The following NPAS3 variants were observed in gnomAD, a reference collection of about 807,000 sequenced individuals.
NPAS3 encodes neuronal PAS domain protein 3.
A neutral mutation model predicts 73.1 loss-of-function variants in NPAS3; 14 were observed. The observed-to-expected ratio is 0.19, with a 90% CI of 0.13 to 0.30. The LOEUF is 0.30. Among genes scored for constraint, NPAS3 ranks in the 10% least tolerant of loss-of-function variants. The pLI, the probability that NPAS3 is intolerant of heterozygous loss-of-function variation, is 1.00. For missense variants in NPAS3, 1,096 were observed against 1,250.0 expected, an observed-to-expected ratio of 0.88 and a Z score of 1.86; for synonymous variants, 620 against 541.5, an observed-to-expected ratio of 1.14 and a Z score of -2.01.
intron 1 of NPAS3, among the ~76,000 whole-genome samples, chr14:33,033,505 G>A (rs538516943): frequency 6.6e-6 from 1 of 152,100 alleles, no homozygotes; most frequent in South Asian, 2.1e-4. Context: ...TTATATGCCT[G>A]TTTGTACATG....
At chr14:33,148,392 A>G (rs2044323330) in intron 2 of NPAS3, among the ~76,000 whole-genome samples, 1 of 152,148 alleles carries the variant, frequency 6.6e-6, no homozygotes, top group African/African-American at 2.4e-5. Context: ...TGTATCAGTA[A>G]TACCTTAGAG....
intron 1 of NPAS3, among the ~76,000 whole-genome samples, chr14:33,003,529 T>C (rs1258965206): frequency 1.3e-5 from 2 of 152,224 alleles, no homozygotes; most frequent in Non-Finnish European, 2.9e-5. Flanking sequence ...TTAAGATTTT[T>C]TTCTGTGTCC....
At chr14:33,695,387 T>C (rs963488807) in intron 6 of NPAS3, among the ~76,000 whole-genome samples, 51 of 152,290 alleles carry the variant, frequency 3.3e-4, no homozygotes, top group African/African-American at 1.1e-3. Flanking sequence ...GTGAAAATAA[T>C]ACACTGTCTA....
At chr14:33,587,862 G>T (rs2056920168) in intron 5 of NPAS3, among the ~76,000 whole-genome samples, 1 of 152,160 alleles carries the variant, frequency 6.6e-6, no homozygotes, top group Non-Finnish European at 1.5e-5. Flanking sequence ...GTCTGCACCA[G>T]TTACGTTAAG....
chr14:33,667,863 T>G (rs1191396958), intron 5 of NPAS3, among the ~76,000 whole-genome samples: 2 of 152,144 alleles, frequency 1.3e-5, no homozygotes, highest in Admixed American at 1.3e-4. Context: ...CCACCTATAT[T>G]CTACAGTGGC....
At chr14:33,453,564 TAGAC>T (rs1378291040) in intron 4 of NPAS3, among the ~76,000 whole-genome samples, 2 of 152,300 alleles carry the variant, frequency 1.3e-5, no homozygotes, top group East Asian at 1.9e-4. Flanking sequence ...ATCAGTCTTT[TAGAC>T]AGACAGCGTA....
At chr14:33,735,353 G>T in intron 7 of NPAS3, 21 bp downstream of exon 7, 1 of 1,540,398 alleles carries the variant, frequency 6.5e-7, no homozygotes, top group South Asian at 1.1e-5. Flanking sequence ...TCCGGGAGGG[G>T]AGACATTGCT....
At chr14:33,050,781 A>T (rs2040676290) in intron 1 of NPAS3, among the ~76,000 whole-genome samples, 1 of 152,216 alleles carries the variant, frequency 6.6e-6, no homozygotes, top group Non-Finnish European at 1.5e-5. Flanking sequence ...GTTTATAAAA[A>T]TATTTGACCC....
At chr14:32,980,084 C>T (rs944940860) in intron 1 of NPAS3, among the ~76,000 whole-genome samples, 10 of 152,116 alleles carry the variant, frequency 6.6e-5, no homozygotes, top group East Asian at 1.9e-4. Context: ...ATATCCAGAC[C>T]GGGGAGCTAA....
chr14:33,030,301 G>A (rs572927052), intron 1 of NPAS3, among the ~76,000 whole-genome samples: 1 of 152,256 alleles, frequency 6.6e-6, no homozygotes, highest in African/African-American at 2.4e-5. Context: ...GTAAATTTAA[G>A]GAGTATTTGA....
At chr14:33,316,506 A>G (rs2043212807) in intron 3 of NPAS3, among the ~76,000 whole-genome samples, 1 of 152,068 alleles carries the variant, frequency 6.6e-6, no homozygotes, top group Non-Finnish European at 1.5e-5. Flanking sequence ...TATTACTTCT[A>G]AGCCCTAAAT....
chr14:33,733,953 A>C (rs577597137), intron 6 of NPAS3, among the ~76,000 whole-genome samples: 18 of 152,234 alleles, frequency 1.2e-4, no homozygotes, highest in African/African-American at 4.3e-4. Context: ...AGTAGCTCTC[A>C]TTCTTCTTTC....
At chr14:33,513,728 A>G (rs1416574391) in intron 4 of NPAS3, among the ~76,000 whole-genome samples, 3 of 152,066 alleles carry the variant, frequency 2.0e-5, no homozygotes, top group Admixed American at 6.6e-5. Flanking sequence ...TTCAAGCTGA[A>G]TGGGCAAGTG....
At chr14:33,719,111 G>C (rs900457288) in intron 6 of NPAS3, among the ~76,000 whole-genome samples, 22 of 152,264 alleles carry the variant, frequency 1.4e-4, no homozygotes, top group East Asian at 9.7e-4. Flanking sequence ...CTTGGTGACA[G>C]AGCGAGACTG....
At chr14:33,470,541 G>A (rs1457114546) in intron 4 of NPAS3, among the ~76,000 whole-genome samples, 2 of 152,134 alleles carry the variant, frequency 1.3e-5, no homozygotes, top group Non-Finnish European at 2.9e-5. Context: ...CCAAGGAATA[G>A]GGGAGGAAAC....
At chr14:33,782,963 T>G (rs2063026842) in intron 9 of NPAS3, among the ~76,000 whole-genome samples, 5 of 152,200 alleles carry the variant, frequency 3.3e-5, no homozygotes. Context: ...ACTTCCCTCC[T>G]GAAGGCGTCT....
At chr14:33,738,360 T>C (rs1012113707) in intron 7 of NPAS3, among the ~76,000 whole-genome samples, 2 of 152,156 alleles carry the variant, frequency 1.3e-5, no homozygotes, top group African/African-American at 2.4e-5. Context: ...TGAGCTGACC[T>C]CAACATATGA....
At chr14:33,637,221 A>C (rs2058546180) in intron 5 of NPAS3, among the ~76,000 whole-genome samples, 1 of 152,218 alleles carries the variant, frequency 6.6e-6, no homozygotes, top group Admixed American at 6.5e-5. Flanking sequence ...AAAATTAGTC[A>C]CAAATCTATA....
At chr14:33,245,850 G>A (rs964814806) in intron 3 of NPAS3, among the ~76,000 whole-genome samples, 24 of 151,304 alleles carry the variant, frequency 1.6e-4, no homozygotes, top group Admixed American at 6.6e-4. Flanking sequence ...ATAGTTAGAC[G>A]AGTCACAACT....
Sources: gnomAD v4.1 joint callset for allele counts (sites outside exome capture counted in the v4.1 genomes callset) on GRCh38, gnomAD v4.1.1 for gene constraint, MANE v1.5 for transcripts, NCBI Gene and HGNC (gene_info 2026-07-23, HGNC 2026-07-21) for gene names.